The following STPG2 variants were observed in gnomAD, a reference collection of about 807,000 sequenced individuals.
STPG2 encodes sperm-tail PG-rich repeat-containing protein 2.
Under a neutral mutation model 54.2 loss-of-function variants are expected in STPG2, and 56 were observed. That is an observed-to-expected ratio of 1.03 (90% CI 0.83 to 1.29). The LOEUF (loss-of-function observed/expected upper bound fraction) is 1.29. Among genes scored for constraint, STPG2 ranks in the 50% most tolerant of loss-of-function variants. The probability of loss-of-function intolerance (pLI) is 0.00; values close to 1 mark genes in which losing one functional copy is unlikely to be tolerated. For synonymous variants in STPG2, 200 were observed against 181.8 expected (o/e 1.10, Z -0.81); for missense variants, 596 against 544.9 (o/e 1.09, Z -0.93).
chr4:97,874,656 GA>G (rs1234681919), intron 8 of STPG2, among the ~76,000 whole-genome samples: 6 of 151,670 alleles, frequency 4.0e-5, no homozygotes, highest in African/African-American at 1.2e-4. Context: ...TCAGCATTAT[GA>G]TGCTGAAATT....
intron 10 of STPG2, among the ~76,000 whole-genome samples, chr4:97,651,953 C>T (rs1222874003): frequency 6.6e-6 from 1 of 151,804 alleles, no homozygotes; most frequent in Non-Finnish European, 1.5e-5. Context: ...TATGAAAATA[C>T]ATATTGTGAA....
At chr4:97,888,131 C>T (rs1375160967) in intron 8 of STPG2, among the ~76,000 whole-genome samples, 1 of 152,190 alleles carries the variant, frequency 6.6e-6, no homozygotes. Context: ...GGCAGAGCCT[C>T]AAAGGGAACC....
At chr4:98,080,841 C>T (rs1738323158) in intron 5 of STPG2, among the ~76,000 whole-genome samples, 1 of 152,170 alleles carries the variant, frequency 6.6e-6, no homozygotes, top group African/African-American at 2.4e-5. Flanking sequence ...CTTGCCTAAG[C>T]CACTTCTTAT....
At chr4:97,903,225 C>T (rs1025287787) in intron 8 of STPG2, among the ~76,000 whole-genome samples, 2 of 152,038 alleles carry the variant, frequency 1.3e-5, no homozygotes, top group Admixed American at 1.3e-4. Context: ...TAATTACATA[C>T]ACACAAAAAG....
intron 8 of STPG2, among the ~76,000 whole-genome samples, chr4:97,851,553 T>G (rs1409129806): frequency 2.0e-5 from 3 of 152,222 alleles, no homozygotes; most frequent in Non-Finnish European, 4.4e-5. Context: ...TTCTGTGTTG[T>G]ATAAATATTT....
chr4:97,849,411 T>C (rs1412142258), intron 8 of STPG2, among the ~76,000 whole-genome samples: 1 of 151,682 alleles, frequency 6.6e-6, no homozygotes, highest in Non-Finnish European at 1.5e-5. Context: ...AAAGCCAAAA[T>C]TGACAAATAG....
chr4:97,892,189 G>T (rs1730797165), intron 8 of STPG2, among the ~76,000 whole-genome samples: 1 of 152,050 alleles, frequency 6.6e-6, no homozygotes, highest in Non-Finnish European at 1.5e-5. Flanking sequence ...CTCTGACTTG[G>T]TCATTTACTC....
intron 4 of STPG2, among the ~76,000 whole-genome samples, chr4:97,449,600 T>A (rs1182918022): frequency 6.6e-6 from 1 of 152,216 alleles, no homozygotes; most frequent in South Asian, 2.1e-4. Context: ...CTATGTGATA[T>A]GTATTAGTCC....
At chr4:97,533,808 T>C (rs1731469053) in intron 4 of STPG2, among the ~76,000 whole-genome samples, 1 of 152,132 alleles carries the variant, frequency 6.6e-6, no homozygotes, top group Non-Finnish European at 1.5e-5. Context: ...TTGGGTTACT[T>C]TGAATTTGGT....
chr4:97,566,407 G>A (rs970855410), intron 10 of STPG2, among the ~76,000 whole-genome samples: 35 of 152,226 alleles, frequency 2.3e-4, no homozygotes, highest in African/African-American at 4.1e-4. Flanking sequence ...GCAATGCCTC[G>A]CCCTGCTTCG....
intron 5 of STPG2, among the ~76,000 whole-genome samples, chr4:98,099,769 T>C (rs895318758): frequency 6.6e-6 from 1 of 152,108 alleles, no homozygotes; most frequent in Admixed American, 6.5e-5. Flanking sequence ...ACCTGCAAAG[T>C]TTAAAAATCA....
chr4:97,917,868 CTA>C (rs1731944209), intron 8 of STPG2, among the ~76,000 whole-genome samples: 1 of 152,022 alleles, frequency 6.6e-6, no homozygotes, highest in Non-Finnish European at 1.5e-5. Flanking sequence ...TATTTCATAA[CTA>C]TATCCATTCC....
At chr4:97,758,214 C>T (rs1725787212) in intron 9 of STPG2, among the ~76,000 whole-genome samples, 1 of 151,992 alleles carries the variant, frequency 6.6e-6, no homozygotes, top group Non-Finnish European at 1.5e-5. Context: ...GGGCATTCTG[C>T]AAGGAATGTG....
chr4:97,999,559 C>T (rs961201612), intron 5 of STPG2, among the ~76,000 whole-genome samples: 2 of 151,926 alleles, frequency 1.3e-5, no homozygotes, highest in East Asian at 1.9e-4. Flanking sequence ...AAAAATTAGC[C>T]GTGGTGGCAT....
chr4:97,568,949 G>A (rs536528514), intron 10 of STPG2, among the ~76,000 whole-genome samples: 4 of 151,406 alleles, frequency 2.6e-5, no homozygotes, highest in Non-Finnish European at 5.9e-5. Context: ...ACTGGAAAGG[G>A]GTAGCAATCC....
At chr4:97,551,177 C>T (rs1731958807) in intron 4 of STPG2, among the ~76,000 whole-genome samples, 1 of 152,072 alleles carries the variant, frequency 6.6e-6, no homozygotes, top group Non-Finnish European at 1.5e-5. Flanking sequence ...ACATAGAGCA[C>T]TGATTGGTGC....
At chr4:97,540,117 A>G (rs1731655669) in intron 4 of STPG2, among the ~76,000 whole-genome samples, 1 of 152,190 alleles carries the variant, frequency 6.6e-6, no homozygotes, top group Admixed American at 6.5e-5. Context: ...GGCAAGAAAT[A>G]ACTAAGATCA....
At chr4:97,543,295 CTTA>C (rs1731762585) in intron 4 of STPG2, among the ~76,000 whole-genome samples, 1 of 151,644 alleles carries the variant, frequency 6.6e-6, no homozygotes, top group African/African-American at 2.4e-5. Context: ...ATTTTTCTGA[CTTA>C]TTATTAAAGA....
intron 10 of STPG2, among the ~76,000 whole-genome samples, chr4:97,591,224 C>T (rs1343977154): frequency 3.9e-5 from 6 of 152,112 alleles, no homozygotes; most frequent in Non-Finnish European, 7.4e-5. Context: ...TGTCAGATTA[C>T]TTAAAATGAA....
Sources: gnomAD v4.1 joint callset for allele counts (sites outside exome capture counted in the v4.1 genomes callset) on GRCh38, gnomAD v4.1.1 for gene constraint, MANE v1.5 for transcripts, NCBI Gene and HGNC (gene_info 2026-07-23, HGNC 2026-07-21) for gene names.